The following WDR19 variants were observed in gnomAD, a reference collection of about 807,000 sequenced individuals.
WDR19 encodes the protein WD repeat domain 19, also known as WD repeat-containing protein 19.
Under a neutral mutation model 180.0 loss-of-function variants are expected in WDR19, and 121 were observed. The ratio of observed to expected loss-of-function variants is 0.67; its 90% confidence interval spans 0.58 to 0.78. The LOEUF (loss-of-function observed/expected upper bound fraction) is 0.78. WDR19 is among the 30% of genes least tolerant of loss of function. WDR19 has a pLI of 0.00. For synonymous variants in WDR19, 497 were observed against 540.7 expected, an observed-to-expected ratio of 0.92 and a Z score of 1.12; for missense variants, 1,450 against 1,640.7, an observed-to-expected ratio of 0.88 and a Z score of 2.01.
chr4:39,255,875 A>G lies in WDR19; in HGVS notation c.3029A>G (p.Tyr1010Cys), dbSNP rs548534755. Reference protein sequence around the residue: ...IGSEDTTNEDYQSIALYFEGE... With the variant: ...IGSEDTTNEDCQSIALYFEGE... Reference sequence around the variant, plus strand: ...TCTGAAGACACTACTAATGAAGACTATCAAAGCATTGCCTTATACTTTGAA... The same window carrying G: ...TCTGAAGACACTACTAATGAAGACTGTCAAAGCATTGCCTTATACTTTGAA... The change falls in exon 27 of 37, where the codon TAT becomes TGT. Residue 1010 changes from tyrosine to cysteine, a missense_variant. By Grantham distance (194) the Tyr-to-Cys change is radical. Transcript: ENST00000399820. 32 of 1,605,472 alleles carry G rather than the reference A, an allele frequency of 2.0e-5. No individual in the cohort carries two copies. In the African/African-American group the frequency reaches 3.3e-4, roughly 17 times the overall value.
intron 7 of WDR19, 99 bp from the exon 8 acceptor site, chr4:39,205,055 T>C: frequency 1.2e-6 from 1 of 808,406 alleles, no homozygotes; most frequent in Non-Finnish European, 1.9e-6. Flanking sequence ...ATTGGGCTTA[T>C]TATTTTCACA....
Position 39,244,369 on chromosome 4 carries a change from C to T in WDR19, c.2543C>T (p.Ala848Val), listed in dbSNP as rs893172558. 14 of 1,613,780 alleles carry T rather than the reference C, an allele frequency of 8.7e-6. No homozygotes were observed. Among genetic ancestry groups the T allele is most frequent in the African/African-American group, 2.7e-5 (2 of 74,894 alleles). ...AGGGTCCTTAAAAGAGACTGTGGAG[C>T]CATATTGGAGAATATGAAGGTCCTC... Reference protein sequence around the residue: ...PSRVLKRDCGAILENMKQFSE... With the variant: ...PSRVLKRDCGVILENMKQFSE... Residue 848 changes from alanine (A) to valine (V), a missense_variant, in exon 22 of 37, where the codon GCC (alanine) becomes GTC (valine). Ala to Val is a moderately conservative substitution (Grantham distance 64). Coordinates refer to ENST00000399820, the MANE Select transcript of WDR19 (RefSeq NM_025132.4).
chr4:39,278,316 TAA>T, intron 35 of WDR19, 109 bp downstream of exon 35: 1 of 1,132,258 alleles, frequency 8.8e-7, no homozygotes, highest in Non-Finnish European at 1.3e-6. Flanking sequence ...TAAGGATCTC[TAA>T]AGACTCAAAT....
Position 39,253,153 on chromosome 4 carries a change from G to C in WDR19, c.2737G>C (p.Glu913Gln), listed in dbSNP as rs1733411874. 1 of 1,582,948 alleles carries C rather than the reference G, an allele frequency of 6.3e-7. No homozygotes were observed. Among genetic ancestry groups the C allele is most frequent in the Non-Finnish European group, 8.5e-7 (1 of 1,169,686 alleles). The change falls in exon 25 of 37, where the codon GAA becomes CAA. Residue 913 changes from glutamate (E) to glutamine (Q), a missense_variant. Physicochemically the swap from Glu to Gln is conservative, Grantham distance 29. Transcript: ENST00000399820. ...TGAGCTATTTTTTTACAGATACAAA[G>C]AAGCTGTTGTAGCTTATGAAAATGC... is the stretch of plus-strand genomic sequence containing the variant. Reference protein sequence around the residue: ...KAKEADGRYKEAVVAYENAKQ... With the variant: ...KAKEADGRYKQAVVAYENAKQ...
rs751299543 is a variant in WDR19, at chr4:39,255,960, A to C, written c.3114A>C (p.Arg1038=). 2 of 1,514,872 alleles carry C rather than the reference A, an allele frequency of 1.3e-6. No homozygotes were observed. Among genetic ancestry groups the C allele is most frequent in the South Asian group, 2.3e-5 (2 of 85,646 alleles). The allele number at this position is 1,514,872 out of a possible 1,614,324, so 93.8% of individuals were successfully genotyped here. The change falls in exon 27 of 37, where the codon CGA becomes CGC. Residue 1038 remains arginine, a splice_region_variant and synonymous_variant. Coordinates refer to ENST00000399820, the MANE Select transcript of WDR19 (RefSeq NM_025132.4). ...TCTTGCTGTGTGGCCAATATTCACG[A>C]GTTAGTATTTGCCAAGAAAATATAC... ...KFFLLCGQYS[R]ALKHFLKCPS...
rs2109405829 is a variant in WDR19 at position 39,244,305 on chromosome 4, A to G, written c.2479A>G (p.Ile827Val). The G allele has an allele frequency of 1.2e-6, 2 of 1,614,004 alleles. No homozygotes were observed. Among genetic ancestry groups the G allele is most frequent in the Admixed American group, 3.3e-5 (2 of 60,028 alleles). Reference sequence around the variant, plus strand: ...CCAGATGTCCATAAGAATGGGAGACATACGTCGAGGGGTTAACCAAGCCCT... The same window carrying G: ...CCAGATGTCCATAAGAATGGGAGACGTACGTCGAGGGGTTAACCAAGCCCT... ...VAQMSIRMGD[I>V]RRGVNQALKH... is the part of the protein sequence containing the mutation. Residue 827 changes from isoleucine to valine, a missense_variant, in exon 22 of 37, where the codon ATA becomes GTA. Transcript: ENST00000399820.
At chr4:39,256,633 T>A (rs982231538) in intron 27 of WDR19, among the ~76,000 whole-genome samples, 3 of 152,214 alleles carry the variant, frequency 2.0e-5, no homozygotes, top group Admixed American at 1.3e-4. Flanking sequence ...GAATTCAGCC[T>A]ACAGGCCACC....
rs144160935 is a variant in WDR19, at chr4:39,274,675, C to A, written c.3566-133C>A. On this transcript the variant is annotated intron_variant, in intron 32 of 36. Transcript: ENST00000399820. The stretch of plus-strand genomic sequence containing the variant: ...ACTTTCCTCATTAAACAGATCATAT[C>A]TGGTTCTTTGCAGAAAAAGCAAAGT... 3.8e-6 allele frequency: 4 copies of A among 1,047,880 alleles called. No homozygotes were observed. In the African/African-American group the frequency reaches 4.8e-5, roughly 12 times the overall value. 64.9% of individuals were successfully genotyped at this position (1,047,880 alleles called of 1,614,324 possible).
intron 23 of WDR19, among the ~76,000 whole-genome samples, chr4:39,244,994 T>A (rs1414909523): frequency 6.7e-6 from 1 of 149,834 alleles, no homozygotes; most frequent in Non-Finnish European, 1.5e-5. Flanking sequence ...GAAGTGCAGC[T>A]GGCACGATCT....
At chr4:39,210,692 AT>A (rs770025708) in intron 9 of WDR19, among the ~76,000 whole-genome samples, 14 of 152,256 alleles carry the variant, frequency 9.2e-5, no homozygotes, top group South Asian at 2.1e-4. Flanking sequence ...AACAAAAAAA[AT>A]GTAATCATTC....
chr4:39,238,111 C>T (rs1268345853), intron 20 of WDR19: 1 of 152,156 alleles, frequency 6.6e-6, no homozygotes, highest in South Asian at 2.1e-4. Context: ...GTACACACAC[C>T]CTAGCCCCCA....
Position 39,199,347 on chromosome 4 carries a change from C to T in WDR19, c.407-131C>T, listed in dbSNP as rs139746486. 144 of 662,854 alleles carry T rather than the reference C, an allele frequency of 2.2e-4. No individual in the cohort carries two copies. The African/African-American group carries it at 2.2e-3, about 10-fold the overall frequency. 41.1% of individuals were successfully genotyped at this position (662,854 alleles called of 1,614,324 possible). ...TAATAAACTGTTTTAAATAAGGTTG[C>T]GTAGACATTAACTGCTTTGATGAAA... On this transcript the variant is annotated intron_variant, in intron 5 of 36. Coordinates refer to ENST00000399820, the MANE Select transcript of WDR19 (RefSeq NM_025132.4).
intron 3 of WDR19, among the ~76,000 whole-genome samples, chr4:39,188,317 A>G (rs1725779021): frequency 6.6e-6 from 1 of 152,170 alleles, no homozygotes; most frequent in African/African-American, 2.4e-5. Flanking sequence ...TATAATATAC[A>G]TTTTGGAATA....
intron 28 of WDR19, among the ~76,000 whole-genome samples, chr4:39,265,240 G>C (rs1734675524): frequency 6.6e-6 from 1 of 151,674 alleles, no homozygotes; most frequent in Non-Finnish European, 1.5e-5. Context: ...TTTAAGTAAA[G>C]ATTTCTAAGC....
chr4:39,188,563 C>A, intron 3 of WDR19, among the ~76,000 whole-genome samples: 1 of 144,228 alleles, frequency 6.9e-6, no homozygotes, highest in Non-Finnish European at 1.5e-5. Flanking sequence ...AGGTTATAGC[C>A]AAGTATAATC....
intron 20 of WDR19, among the ~76,000 whole-genome samples, chr4:39,236,276 T>TACAC (rs572973145): frequency 7.3e-5 from 11 of 150,102 alleles, no homozygotes; most frequent in East Asian, 1.9e-4. Context: ...AAATGTGGTA[T>TACAC]ACACACACAC....
At chr4:39,205,001 A>G (rs1727796905) in intron 7 of WDR19, among the ~76,000 whole-genome samples, 153 bp from the exon 8 acceptor site, 1 of 152,218 alleles carries the variant, frequency 6.6e-6, no homozygotes, top group Non-Finnish European at 1.5e-5. Flanking sequence ...TAGTAAATAC[A>G]TTTTTAGTCA....
chr4:39,238,444 A>C (rs1731583746), intron 20 of WDR19, among the ~76,000 whole-genome samples: 1 of 152,240 alleles, frequency 6.6e-6, no homozygotes, highest in Non-Finnish European at 1.5e-5. Flanking sequence ...GTTCCAAAGT[A>C]TTAATTTAGC....
chr4:39,246,324 AG>A (rs1488696435), intron 24 of WDR19, among the ~76,000 whole-genome samples: 1 of 152,184 alleles, frequency 6.6e-6, no homozygotes, highest in African/African-American at 2.4e-5. Flanking sequence ...TGGGCAACAT[AG>A]AGAGAGCCTC....
Sources: gnomAD v4.1 joint callset for allele counts (sites outside exome capture counted in the v4.1 genomes callset) on GRCh38, gnomAD v4.1.1 for gene constraint, MANE v1.5 for transcripts, NCBI Gene and HGNC (gene_info 2026-07-23, HGNC 2026-07-21) for gene names.